MMP16: variants seen among roughly 807,000 people sequenced by gnomAD.
MMP16 encodes the protein matrix metallopeptidase 16.
Under a neutral mutation model 67.8 loss-of-function variants are expected in MMP16, and 12 were observed. That is an observed-to-expected ratio of 0.18 (90% CI 0.11 to 0.29). The LOEUF is 0.29. MMP16 is among the 10% of genes least tolerant of loss of function. The pLI, the probability that MMP16 is intolerant of heterozygous loss-of-function variation, is 1.00. For synonymous variants in MMP16, 249 were observed against 255.9 expected, an observed-to-expected ratio of 0.97 and a Z score of 0.26; for missense variants, 475 against 765.7, an observed-to-expected ratio of 0.62 and a Z score of 4.48.
intron 5 of MMP16, among the ~76,000 whole-genome samples, chr8:88,117,326 T>G (rs1809452698): frequency 6.6e-6 from 1 of 152,128 alleles, no homozygotes; most frequent in Non-Finnish European, 1.5e-5. Flanking sequence ...CAGTAAAATA[T>G]TAATGTGAAG....
chr8:88,189,349 C>A (rs1809130107), intron 2 of MMP16, among the ~76,000 whole-genome samples: 1 of 152,052 alleles, frequency 6.6e-6, no homozygotes, highest in South Asian at 2.1e-4. Flanking sequence ...ATTCCTACCC[C>A]AAACTTGCAC....
intron 3 of MMP16, among the ~76,000 whole-genome samples, chr8:88,171,403 C>T (rs1808801782): frequency 6.6e-6 from 1 of 152,128 alleles, no homozygotes; most frequent in Non-Finnish European, 1.5e-5. Flanking sequence ...TAGGTTGAAT[C>T]TGGGAAGTCA....
intron 1 of MMP16, among the ~76,000 whole-genome samples, chr8:88,318,196 C>T (rs1023972989): frequency 6.6e-6 from 1 of 152,146 alleles, no homozygotes; most frequent in African/African-American, 2.4e-5. Context: ...GTAACCAAAT[C>T]TTCCTGAATA....
chr8:88,235,052 C>T (rs1020488462), intron 1 of MMP16, among the ~76,000 whole-genome samples: 3 of 152,054 alleles, frequency 2.0e-5, no homozygotes, highest in South Asian at 2.1e-4. Context: ...TTCTGTATCA[C>T]CCCAAAATTT....
rs111444090 is a variant in MMP16, at chr8:88,147,119, T to C, written c.709+20550A>G. 7.3e-3 allele frequency among the ~76,000 whole-genome samples: 1,118 copies of C among 152,140 alleles called. 10 individuals are homozygous for C. Among genetic ancestry groups the C allele is most frequent in the African/African-American group, 0.026 (1,069 of 41,552 alleles). On this transcript the variant is annotated intron_variant, in intron 4 of 9. Transcript: ENST00000286614. ...TGTTTGAAATTTTAAAATTATATTA[T>C]CACCTGATCACTTTACTTGCTTTCT... is the stretch of plus-strand genomic sequence containing the variant.
At chr8:88,126,840 T>A (rs1292331740) in intron 4 of MMP16, among the ~76,000 whole-genome samples, 1 of 151,870 alleles carries the variant, frequency 6.6e-6, no homozygotes. Flanking sequence ...ATAGGGTTGT[T>A]AGTAGGTTAA....
chr8:88,116,595 C>T lies in MMP16; in HGVS notation c.995G>A (p.Arg332Lys), dbSNP rs575319329. The change falls in exon 6 of 10, where the codon AGA (arginine) becomes AAA (lysine). Residue 332 changes from arginine to lysine, a missense_variant. Around this residue, in one of 5 missense-constraint regions of MMP16, gnomAD observed 195 missense variants for 300.9 expected, o/e 0.65. Coordinates refer to ENST00000286614, the MANE Select transcript of MMP16 (RefSeq NM_005941.5). Reference protein sequence around the residue: ...RPKPPRPPTGRPSYPGAKPNI... With the variant: ...RPKPPRPPTGKPSYPGAKPNI... ...GGGTTTGGCTCCGGGATAGGAGGGT[C>T]TGCCGGTTGGAGGCCGAGGAGGTTT... 3 of 1,613,756 alleles carry T rather than the reference C, an allele frequency of 1.9e-6. No individual in the cohort carries two copies. In the South Asian group the frequency reaches 3.3e-5, roughly 18 times the overall value.
chr8:88,239,030 C>T (rs948774923), intron 1 of MMP16, among the ~76,000 whole-genome samples: 1 of 152,010 alleles, frequency 6.6e-6, no homozygotes, highest in Non-Finnish European at 1.5e-5. Flanking sequence ...ATCCTCCTTC[C>T]TTGCAAGACC....
At chr8:88,200,932 T>C (rs1809334116) in intron 1 of MMP16, among the ~76,000 whole-genome samples, 2 of 151,920 alleles carry the variant, frequency 1.3e-5, no homozygotes, top group Non-Finnish European at 2.9e-5. Flanking sequence ...TTCAGGCCAA[T>C]ACTACAACCT....
At chr8:88,283,488 G>A (rs561774502) in intron 1 of MMP16, among the ~76,000 whole-genome samples, 12 of 152,178 alleles carry the variant, frequency 7.9e-5, no homozygotes, top group Non-Finnish European at 1.2e-4. Flanking sequence ...TAAATGACAC[G>A]ATAGGCATAA....
intron 1 of MMP16, among the ~76,000 whole-genome samples, chr8:88,276,714 G>A (rs888980980): frequency 1.5e-4 from 23 of 152,000 alleles, no homozygotes; most frequent in Non-Finnish European, 2.8e-4. Context: ...TAGTGCTTGG[G>A]GGTTGATAAT....
intron 4 of MMP16, among the ~76,000 whole-genome samples, chr8:88,145,742 T>C (rs1808279823): frequency 6.6e-6 from 1 of 152,148 alleles, no homozygotes; most frequent in Middle Eastern, 3.4e-3. Context: ...TTAGTCTTCA[T>C]GTTATTACTA....
chr8:88,188,654 ATT>A (rs1296976552), intron 2 of MMP16, among the ~76,000 whole-genome samples: 26 of 141,226 alleles, frequency 1.8e-4, no homozygotes, highest in Non-Finnish European at 1.9e-4. Context: ...CAAAGAACAG[ATT>A]TTTTTTTTTT....
At chr8:88,302,971 C>G (rs1811128003) in intron 1 of MMP16, among the ~76,000 whole-genome samples, 1 of 152,196 alleles carries the variant, frequency 6.6e-6, no homozygotes, top group South Asian at 2.1e-4. Flanking sequence ...TGATCCCACT[C>G]GGGAAACCAC....
intron 6 of MMP16, among the ~76,000 whole-genome samples, chr8:88,108,794 G>A (rs369397106): frequency 2.6e-5 from 4 of 151,382 alleles, no homozygotes; most frequent in African/African-American, 9.7e-5. Flanking sequence ...TAATGTGGGA[G>A]AGTAATGCTT....
chr8:88,289,282 T>C (rs183137164), intron 1 of MMP16, among the ~76,000 whole-genome samples: 144 of 152,254 alleles, frequency 9.5e-4, no homozygotes, highest in African/African-American at 3.4e-3. Context: ...AACACAGACA[T>C]TTTTGTTATC....
At chr8:88,160,430 T>A (rs890095690) in intron 4 of MMP16, among the ~76,000 whole-genome samples, 20 of 151,746 alleles carry the variant, frequency 1.3e-4, no homozygotes. Context: ...CGCAATAAAT[T>A]TACAAGAAAA....
At chr8:88,176,274 A>G (rs1808888979) in intron 3 of MMP16, among the ~76,000 whole-genome samples, 1 of 152,228 alleles carries the variant, frequency 6.6e-6, no homozygotes, top group Non-Finnish European at 1.5e-5. Context: ...TGTATGCTTA[A>G]AACTGGCTGA....
intron 6 of MMP16, among the ~76,000 whole-genome samples, chr8:88,084,857 T>G (rs1180373850): frequency 6.6e-6 from 1 of 151,954 alleles, no homozygotes. Context: ...GATGGGTAAA[T>G]ACTATTCTAA....
Sources: gnomAD v4.1 joint callset for allele counts (sites outside exome capture counted in the v4.1 genomes callset) on GRCh38, gnomAD v4.1.1 for gene constraint, gnomAD v4.1.1 regional missense constraint, MANE v1.5 for transcripts, NCBI Gene and HGNC (gene_info 2026-07-23, HGNC 2026-07-21) for gene names.